The following IKZF4 variants were observed in gnomAD, a reference collection of about 807,000 sequenced individuals.
The protein encoded by IKZF4 is IKAROS family zinc finger 4.
In IKZF4, 11 loss-of-function variants were observed where a neutral mutation model predicts 47.7. The observed-to-expected ratio is 0.23, with a 90% CI of 0.15 to 0.38. The LOEUF (loss-of-function observed/expected upper bound fraction) is 0.38, where lower values mean the gene tolerates loss of function less well. IKZF4 is among the 10% of genes least tolerant of loss of function. The pLI is 1.00. For missense variants in IKZF4, 557 were observed against 784.9 expected (o/e 0.71, Z 3.47); for synonymous variants, 298 against 299.4 (o/e 1.00, Z 0.05).
chr12:56,009,075 A>C (rs1332761131), intron 1 of IKZF4, among the ~76,000 whole-genome samples: 2 of 152,036 alleles, frequency 1.3e-5, no homozygotes, highest in Non-Finnish European at 2.9e-5. Flanking sequence ...TATATGTCTA[A>C]TAGTTCCTAC....
chr12:56,022,309 T>G (rs1277633103), intron 1 of IKZF4, among the ~76,000 whole-genome samples: 1 of 152,220 alleles, frequency 6.6e-6, no homozygotes, highest in African/African-American at 2.4e-5. Flanking sequence ...CTTTTCAGCC[T>G]TTACCTACCT....
intron 4 of IKZF4, among the ~76,000 whole-genome samples, chr12:56,027,278 C>G (rs902035362): frequency 6.6e-6 from 1 of 152,040 alleles, no homozygotes. Flanking sequence ...TCTCCTCAAC[C>G]GCTGTTATAA....
At chr12:56,024,684 C>T in intron 2 of IKZF4, 1 of 1,084,082 alleles carries the variant, frequency 9.2e-7, no homozygotes, top group East Asian at 8.4e-5. Flanking sequence ...CTGGGGGCTC[C>T]AGAGAGGAAC....
At chr12:56,033,021 G>C (rs1208410025) in intron 6 of IKZF4, among the ~76,000 whole-genome samples, 169 bp from the exon 7 acceptor site, 1 of 152,148 alleles carries the variant, frequency 6.6e-6, no homozygotes, top group Non-Finnish European at 1.5e-5. Flanking sequence ...CAAATGATCT[G>C]AAATTTTATT....
chr12:56,024,733 T>G (rs1469426703), intron 2 of IKZF4: 2 of 1,222,368 alleles, frequency 1.6e-6, no homozygotes, highest in African/African-American at 3.1e-5. Context: ...CTGTCCCTTC[T>G]GCAGCCCCCA....
At chr12:56,030,788 T>G (rs990265720) in intron 5 of IKZF4, among the ~76,000 whole-genome samples, 6 of 148,324 alleles carry the variant, frequency 4.0e-5, no homozygotes, top group Non-Finnish European at 7.5e-5. Context: ...CTGAGAAGGG[T>G]TGGGAGTAGG....
chr12:56,027,412 A>C (rs560742645), intron 4 of IKZF4, among the ~76,000 whole-genome samples: 32 of 152,042 alleles, frequency 2.1e-4, no homozygotes, highest in South Asian at 1.0e-3. Context: ...AATAATTAAA[A>C]AACAACAACA....
intron 5 of IKZF4, 42 bp from the exon 6 acceptor site, chr12:56,032,519 C>T (rs775768235): frequency 1.7e-5 from 26 of 1,566,834 alleles, no homozygotes; most frequent in East Asian, 9.2e-5. Context: ...CAGGGCACAG[C>T]GAGAAATAGC....
chr12:56,010,169 G>A (rs772922), intron 1 of IKZF4: 115,791 of 152,120 alleles, frequency 0.76, 48,865 homozygotes, highest in East Asian at 0.99. Context: ...GCCACAGGCA[G>A]AGGGACTCCC....
chr12:56,023,719 G>A lies in IKZF4; in HGVS notation c.136G>A (p.Ala46Thr). 6.2e-7 allele frequency: 1 copy of A among 1,613,920 alleles called. No individual in the cohort carries two copies. The highest frequency in any genetic ancestry group is 8.5e-7 in the Non-Finnish European group (1 of 1,179,854). ...GTGTGTTCCGGATTTCTTGCCTCAG[G>A]CCCAAGACTCCAACCATTTTATAAT... ...GGCVPDFLPQAQDSNHFIMES... is the reference protein window; with the variant it reads ...GGCVPDFLPQTQDSNHFIMES... The change falls in exon 2 of 8, where the codon GCC becomes ACC. Residue 46 changes from alanine to threonine, a missense_variant. Ala to Thr is a moderately conservative substitution (Grantham distance 58). Around this residue, in one of 6 missense-constraint regions of IKZF4, gnomAD observed 112 missense variants for 168.2 expected, o/e 0.67. Transcript: ENST00000547167.
At chr12:56,031,334 T>C (rs1035756641) in intron 5 of IKZF4, among the ~76,000 whole-genome samples, 10 of 152,236 alleles carry the variant, frequency 6.6e-5, no homozygotes, top group Admixed American at 1.3e-4. Flanking sequence ...GTCGTATACA[T>C]GTATGAAAAT....
At position 56,023,665 on chromosome 12, in the gene IKZF4, C is replaced by T; in HGVS notation, c.88-6C>T. 6.2e-7 allele frequency: 1 copy of T among 1,613,654 alleles called. No individual in the cohort carries two copies. On this transcript the variant is annotated splice_region_variant and splice_polypyrimidine_tract_variant and intron_variant, in intron 1 of 7. Transcript: ENST00000547167. ...TGAGTGGTTGTTTTCTTCCCACTGA[C>T]CAAAGCTGGAGAGGGATCCCTCAGG... is the stretch of plus-strand genomic sequence containing the variant.
chr12:56,027,107 G>GTTGTCCCAGCACT, intron 4 of IKZF4, 66 bp downstream of exon 4: 1 of 1,404,856 alleles, frequency 7.1e-7, no homozygotes, highest in Non-Finnish European at 9.3e-7. Context: ...GGGCAGTGCT[G>GTTGTCCCAGCACT]GGACAACAGC....
At chr12:56,024,234 A>C (rs946728652) in intron 2 of IKZF4, among the ~76,000 whole-genome samples, 2 of 152,232 alleles carry the variant, frequency 1.3e-5, no homozygotes, top group African/African-American at 4.8e-5. Flanking sequence ...AATGAATATC[A>C]AATAGTAAAC....
Position 56,021,314 on chromosome 12 carries a change from A to ACACT in IKZF4, c.-177_-174dup. ...CTCTCTCACACACACACACACACAC[A>ACACT]CACTCAACACACATACACCCTGGGC... On this transcript the variant is annotated 5_prime_UTR_variant, in exon 1 of 8. Coordinates refer to ENST00000547167, the MANE Select transcript of IKZF4 (RefSeq NM_022465.4). 1.3e-6 allele frequency: 2 copies of ACACT among 1,520,192 alleles called. No individual in the cohort carries two copies. The highest frequency in any genetic ancestry group is 8.8e-7 in the Non-Finnish European group (1 of 1,137,984). The allele number at this position is 1,520,192 out of a possible 1,614,324, so 94.2% of individuals were successfully genotyped here.
chr12:56,030,380 G>A (rs1336610232), intron 5 of IKZF4, among the ~76,000 whole-genome samples: 1 of 151,658 alleles, frequency 6.6e-6, no homozygotes, highest in African/African-American at 2.4e-5. Flanking sequence ...TCAGTGTCCT[G>A]TGATCATGTC....
upstream of IKZF4, among the ~76,000 whole-genome samples, chr12:56,017,223 T>TCCCCCCCCCC (rs143740090): frequency 7.4e-4 from 90 of 122,448 alleles, no homozygotes; most frequent in Admixed American, 1.3e-3. Flanking sequence ...AAATTCAGAC[T>TCCCCCCCCCC]CCCCCCCCGC....
At chr12:56,032,422 A>G (rs910571483) in intron 5 of IKZF4, 139 bp from the exon 6 acceptor site, 2 of 831,518 alleles carry the variant, frequency 2.4e-6, no homozygotes. Context: ...AAGTTGGGAA[A>G]TGAAAGACAA....
intron 2 of IKZF4, among the ~76,000 whole-genome samples, chr12:56,015,624 G>A (rs2136570527): frequency 6.6e-6 from 1 of 152,248 alleles, no homozygotes; most frequent in East Asian, 1.9e-4. Flanking sequence ...TCGAACTCCT[G>A]ACCTCAGGTG....
Sources: gnomAD v4.1 joint callset for allele counts (sites outside exome capture counted in the v4.1 genomes callset) on GRCh38, gnomAD v4.1.1 for gene constraint, gnomAD v4.1.1 regional missense constraint, MANE v1.5 for transcripts, NCBI Gene and HGNC (gene_info 2026-07-23, HGNC 2026-07-21) for gene names.